The following THAP6 variants were observed in gnomAD, a reference collection of about 807,000 sequenced individuals.
THAP6 encodes THAP domain-containing protein 6.
A neutral mutation model predicts 20.0 loss-of-function variants in THAP6; 13 were observed. That is an observed-to-expected ratio of 0.65 (90% CI 0.42 to 1.03). The LOEUF is 1.03. THAP6 is among the 50% of genes least tolerant of loss of function. The pLI is 0.00. For missense variants in THAP6, 262 were observed against 261.6 expected (o/e 1.00, Z -0.01); for synonymous variants, 93 against 92.2 (o/e 1.01, Z -0.05).
At position 75,517,050 on chromosome 4, in the gene THAP6, G is replaced by A. The variant is rs1442398627; in HGVS notation, c.288+71G>A. On this transcript the variant is annotated intron_variant, in intron 3 of 4. Transcript: ENST00000311638. ...TTTTTTTTTTTTGAGATAGAGTCTC[G>A]CTCTGTCACCAAGGCTGGAGTGCAG... The A allele has an allele frequency of 6.4e-5, 74 of 1,153,860 alleles. No homozygotes were observed. In the Admixed American group the frequency reaches 6.7e-4, roughly 10 times the overall value. The allele number at this position is 1,153,860 out of a possible 1,614,324, so 71.5% of individuals were successfully genotyped here. A position where few individuals can be genotyped will look rare whatever the true frequency, so the allele number is the denominator to read the frequency against.
chr4:75,541,121 C>G (rs11946271), intron 2 of THAP6, among the ~76,000 whole-genome samples: 28,184 of 152,066 alleles, frequency 0.19, 2,770 homozygotes, highest in Middle Eastern at 0.35. Flanking sequence ...AAACTAAAAA[C>G]CATTTTAGTA....
upstream of THAP6, chr4:75,514,382 C>T: frequency 1.5e-6 from 2 of 1,376,440 alleles, no homozygotes; most frequent in Non-Finnish European, 9.8e-7. Flanking sequence ...CTCCCAGCCC[C>T]AGCGGCCACT....
chr4:75,534,103 T>C (rs911814703), downstream of THAP6, among the ~76,000 whole-genome samples: 4 of 152,358 alleles, frequency 2.6e-5, no homozygotes, highest in South Asian at 4.1e-4. Flanking sequence ...TCCTTTTTCA[T>C]GGCTGCATAG....
rs929402247 is a variant in THAP6, at chr4:75,528,199, T to A, written c.*985T>A. 6 of 985,288 alleles carry A rather than the reference T, an allele frequency of 6.1e-6. No homozygotes were observed. Among genetic ancestry groups the A allele is most frequent in the Non-Finnish European group, 7.2e-6 (6 of 829,876 alleles). 61.0% of individuals were successfully genotyped at this position (985,288 alleles called of 1,614,324 possible). On this transcript the variant is annotated 3_prime_UTR_variant, in exon 5 of 5. Coordinates refer to ENST00000311638, the MANE Select transcript of THAP6 (RefSeq NM_144721.6). ...GGGGAGTAGATTATTGTCCAAAGGC[T>A]TTTATTTAGAGAAACGGGTAATTAA... is the stretch of plus-strand genomic sequence containing the variant.
In THAP6 at chr4:75,545,027, C is replaced by T. The variant is rs145178601; in HGVS notation, c.243+2541C>T. On this transcript the variant is annotated intron_variant, in intron 3 of 4. Coordinates refer to the THAP6 transcript ENST00000502620. The stretch of plus-strand genomic sequence containing the variant: ...GCCACAGGACAACCTCTCTGTGCCT[C>T]GGTTTTCTCATCTCTAAAATGGGGA... Among the ~76,000 whole-genome samples the T allele has an allele frequency of 3.5e-3, 535 of 152,296 alleles. 7 individuals carry two copies. Among genetic ancestry groups the T allele is most frequent in the African/African-American group, 0.012 (497 of 41,548 alleles).
intron 2 of THAP6, 52 bp downstream of exon 2, chr4:75,515,584 A>G (rs1325680298): frequency 1.3e-6 from 2 of 1,572,944 alleles, no homozygotes; most frequent in Non-Finnish European, 1.7e-6. Context: ...TATAAAAAGC[A>G]AAAGACAGTT....
chr4:75,546,708 C>G (rs1056851294), intron 3 of THAP6, among the ~76,000 whole-genome samples: 1 of 152,110 alleles, frequency 6.6e-6, no homozygotes, highest in African/African-American at 2.4e-5. Flanking sequence ...CAGAGAAGAG[C>G]CTATACTGCA....
chr4:75,528,486 T>C lies in THAP6; in HGVS notation c.*1272T>C, dbSNP rs1726513908. ...TAGAATTTGAGTATCAGCCATTTCA[T>C]TGTAGTAACAAAAATTGAATTGCAT... On this transcript the variant is annotated 3_prime_UTR_variant, in exon 5 of 5. Coordinates refer to ENST00000311638, the MANE Select transcript of THAP6 (RefSeq NM_144721.6). The C allele has an allele frequency of 6.1e-6, 6 of 985,412 alleles. No individual in the cohort carries two copies. In the South Asian group the frequency reaches 2.3e-4, roughly 39 times the overall value. 61.0% of individuals were successfully genotyped at this position (985,412 alleles called of 1,614,324 possible).
upstream of THAP6, chr4:75,514,424 G>T: frequency 1.0e-6 from 1 of 969,490 alleles, no homozygotes. Context: ...CACGTGACCC[G>T]GGGCAGACGG....
At chr4:75,533,781 C>CT (rs1228490618), downstream of THAP6, among the ~76,000 whole-genome samples, 1 of 151,838 alleles carries the variant, frequency 6.6e-6, no homozygotes, top group South Asian at 2.1e-4. Context: ...TTTTATTATA[C>CT]TTTAAGTTCT....
intron 3 of THAP6, chr4:75,542,757 G>C: frequency 3.4e-6 from 1 of 291,718 alleles, no homozygotes; most frequent in Non-Finnish European, 6.4e-6. Flanking sequence ...TTATTCTGGA[G>C]ACCCAGAGAC....
intron 2 of THAP6, among the ~76,000 whole-genome samples, chr4:75,536,098 A>G (rs533180467): frequency 1.3e-3 from 199 of 152,346 alleles, no homozygotes; most frequent in Non-Finnish European, 1.7e-3. Flanking sequence ...AAATGCATAT[A>G]TCAATAATTA....
chr4:75,536,433 C>T (rs1726856045), intron 2 of THAP6, among the ~76,000 whole-genome samples: 1 of 152,148 alleles, frequency 6.6e-6, no homozygotes, highest in South Asian at 2.1e-4. Context: ...CATTGCACTG[C>T]AGCCTGGGCA....
Position 75,521,793 on chromosome 4 carries a change from A to C in THAP6, c.346A>C (p.Thr116Pro). 6.2e-7 allele frequency: 1 copy of C among 1,613,466 alleles called. No homozygotes were observed. Among genetic ancestry groups the C allele is most frequent in the Non-Finnish European group, 8.5e-7 (1 of 1,179,572 alleles). Reference protein sequence around the residue: ...KNFTLKTVPATNYNHHLVGAS... With the variant: ...KNFTLKTVPAPNYNHHLVGAS... ...CTTCACCCTCAAAACCGTTCCAGCC[A>C]CTAACTACAATCACCATCTTGTTGG... is the stretch of plus-strand genomic sequence containing the variant. The change falls in exon 4 of 5, where the codon ACT (threonine) becomes CCT (proline). Residue 116 changes from threonine (T) to proline (P), a missense_variant. Coordinates refer to ENST00000311638, the MANE Select transcript of THAP6 (RefSeq NM_144721.6).
At chr4:75,522,060 T>C (rs10009558) in intron 4 of THAP6, 199 bp downstream of exon 4, 221,494 of 546,664 alleles carry the variant, frequency 0.41, 45,602 homozygotes, top group African/African-American at 0.51. Context: ...TGGTTACATA[T>C]GTAGTTCACT....
rs1027292720 is a variant in THAP6, at chr4:75,527,432, C to G, written c.*218C>G. On this transcript the variant is annotated 3_prime_UTR_variant, in exon 5 of 5. Coordinates refer to ENST00000311638, the MANE Select transcript of THAP6 (RefSeq NM_144721.6). ...CTTGTGACAATTATGTTTTATAGAC[C>G]TACACTAGTGCCAGGTCACTATTGT... The G allele has an allele frequency of 1.5e-6, 2 of 1,350,992 alleles. No homozygotes were observed. Among genetic ancestry groups the G allele is most frequent in the African/African-American group, 2.9e-5 (2 of 68,346 alleles). 83.7% of individuals were successfully genotyped at this position (1,350,992 alleles called of 1,614,324 possible). A position where few individuals can be genotyped will look rare whatever the true frequency, so the allele number is the denominator to read the frequency against.
rs193259296 is a variant in THAP6, at chr4:75,546,137, G to C, written c.244-3468G>C. On this transcript the variant is annotated intron_variant, in intron 3 of 4. Coordinates refer to the THAP6 transcript ENST00000502620. ...ACCATTTTCGTTGTATCCAAACCCA[G>C]TGTCTTCAGTTTGAGCTCTCTGAAA... 1.6e-3 allele frequency among the ~76,000 whole-genome samples: 240 copies of C among 152,302 alleles called. 2 individuals are homozygous for C. The highest frequency in any genetic ancestry group is 8.7e-4 in the Non-Finnish European group (59 of 68,038).
At chr4:75,531,231 G>T (rs1025314731), downstream of THAP6, among the ~76,000 whole-genome samples, 1 of 152,162 alleles carries the variant, frequency 6.6e-6, no homozygotes. Context: ...GTAAAGGGGG[G>T]CTGTATGACC....
At position 75,546,594 on chromosome 4, in the gene THAP6, G is replaced by A. The variant is rs556750388; in HGVS notation, c.244-3011G>A. On this transcript the variant is annotated intron_variant, in intron 3 of 4. Coordinates refer to the THAP6 transcript ENST00000502620. ...TCCCTAGAGAAACAGAACCAATAGG[G>A]TGAGTATATGGAGAGGAGAGGTTTA... 2.0e-5 allele frequency among the ~76,000 whole-genome samples: 3 copies of A among 152,320 alleles called. No individual in the cohort carries two copies. The South Asian group carries it at 6.2e-4, about 32-fold the overall frequency.
Sources: gnomAD v4.1 joint callset for allele counts (sites outside exome capture counted in the v4.1 genomes callset) on GRCh38, gnomAD v4.1.1 for gene constraint, MANE v1.5 for transcripts, NCBI Gene and HGNC (gene_info 2026-07-23, HGNC 2026-07-21) for gene names.